VMP1: variants seen among roughly 807,000 people sequenced by gnomAD.
VMP1 encodes the protein vacuole membrane protein 1.
A neutral mutation model predicts 56.0 loss-of-function variants in VMP1; 11 were observed. That is an observed-to-expected ratio of 0.20 (90% CI 0.12 to 0.32). VMP1 has a LOEUF of 0.32. Ranked by LOEUF, VMP1 falls within the 10% of genes least tolerant of loss-of-function variation. The probability of loss-of-function intolerance (pLI) is 1.00; values close to 1 mark genes in which losing one functional copy is unlikely to be tolerated. For synonymous variants in VMP1, 149 were observed against 165.0 expected (o/e 0.90, Z 0.74); for missense variants, 296 against 490.3 (o/e 0.60, Z 3.74).
At chr17:59,750,971 C>T (rs1241979147) in intron 5 of VMP1, among the ~76,000 whole-genome samples, 1 of 118,244 alleles carries the variant, frequency 8.5e-6, no homozygotes, top group Non-Finnish European at 1.6e-5. Flanking sequence ...CTAGCTCTGT[C>T]ACCCAGGCTG....
intron 7 of VMP1, among the ~76,000 whole-genome samples, chr17:59,799,085 A>G (rs1361509701): frequency 6.6e-6 from 1 of 152,136 alleles, no homozygotes; most frequent in East Asian, 1.9e-4. Flanking sequence ...GCCAAAATAA[A>G]TGTTTCTTAC....
At chr17:59,814,496 C>G (rs2038160595) in intron 9 of VMP1, among the ~76,000 whole-genome samples, 1 of 152,076 alleles carries the variant, frequency 6.6e-6, no homozygotes, top group Admixed American at 6.5e-5. Context: ...TTTTGCATTG[C>G]CTTCTTAACT....
intron 7 of VMP1, among the ~76,000 whole-genome samples, chr17:59,778,558 A>C (rs2036710537): frequency 6.6e-6 from 1 of 151,414 alleles, no homozygotes. Context: ...AAAAAAAAAG[A>C]ATAAGGCACT....
At chr17:59,797,883 A>G (rs1217897890) in intron 7 of VMP1, among the ~76,000 whole-genome samples, 2 of 152,258 alleles carry the variant, frequency 1.3e-5, no homozygotes, top group Non-Finnish European at 2.9e-5. Flanking sequence ...TCAAAAAAGT[A>G]AAATAAACTA....
intron 10 of VMP1, chr17:59,837,930 C>T (rs2039032556): frequency 6.2e-6 from 1 of 160,556 alleles, no homozygotes; most frequent in African/African-American, 2.4e-5. Context: ...AGAAGTCATT[C>T]ATTTTATTCT....
intron 1 of VMP1, among the ~76,000 whole-genome samples, chr17:59,721,381 A>G (rs1324680509): frequency 6.6e-6 from 1 of 152,206 alleles, no homozygotes; most frequent in Non-Finnish European, 1.5e-5. Context: ...TATTTTACAA[A>G]TATGCACAAA....
chr17:59,806,520 A>T (rs2037846838), intron 7 of VMP1, among the ~76,000 whole-genome samples: 1 of 152,072 alleles, frequency 6.6e-6, no homozygotes, highest in Non-Finnish European at 1.5e-5. Flanking sequence ...GTTCGAGACC[A>T]GCCTGACAAT....
intron 7 of VMP1, among the ~76,000 whole-genome samples, chr17:59,799,481 T>A (rs183828553): frequency 2.6e-5 from 4 of 152,344 alleles, no homozygotes; most frequent in Non-Finnish European, 5.9e-5. Flanking sequence ...GTTTGCATTT[T>A]GTTATCCAAC....
At chr17:59,710,514 A>G (rs2033875315) in intron 1 of VMP1, among the ~76,000 whole-genome samples, 1 of 152,234 alleles carries the variant, frequency 6.6e-6, no homozygotes, top group Non-Finnish European at 1.5e-5. Context: ...ACACGTAAAT[A>G]CACACATACG....
At chr17:59,763,245 G>GT (rs1344352195) in intron 5 of VMP1, among the ~76,000 whole-genome samples, 3 of 151,754 alleles carry the variant, frequency 2.0e-5, no homozygotes, top group East Asian at 1.9e-4. Flanking sequence ...AAACTTTGGG[G>GT]TTTTTTTGTA....
intron 10 of VMP1, among the ~76,000 whole-genome samples, chr17:59,827,551 AG>A (rs1276240137): frequency 2.0e-5 from 3 of 150,714 alleles, no homozygotes; most frequent in Non-Finnish European, 4.4e-5. Flanking sequence ...TCCTGACCTC[AG>A]GAGGCCTCGG....
At chr17:59,765,637 A>G (rs1457350508) in intron 6 of VMP1, among the ~76,000 whole-genome samples, 2 of 152,222 alleles carry the variant, frequency 1.3e-5, no homozygotes, top group African/African-American at 4.8e-5. Flanking sequence ...TTATTAATTA[A>G]GTGGAAACGG....
chr17:59,770,822 C>T (rs2036397668), intron 6 of VMP1, among the ~76,000 whole-genome samples: 2 of 151,978 alleles, frequency 1.3e-5, no homozygotes, highest in South Asian at 4.1e-4. Context: ...CCTAGTGATC[C>T]TCCTGCCTCA....
intron 10 of VMP1, among the ~76,000 whole-genome samples, chr17:59,826,410 A>G (rs981917105): frequency 6.6e-6 from 1 of 152,214 alleles, no homozygotes; most frequent in Non-Finnish European, 1.5e-5. Flanking sequence ...ATTGTGGGCT[A>G]GAGGAAAGGT....
At position 59,840,996 on chromosome 17, in the gene VMP1, A is replaced by T. The variant is rs1364955496; in HGVS notation, c.*1085A>T. 5.5e-6 allele frequency: 1 copy of T among 180,628 alleles called. No individual in the cohort carries two copies. The highest frequency in any genetic ancestry group is 5.7e-5 in the Admixed American group (1 of 17,422). The allele number at this position is 180,628 out of a possible 1,614,324, so 11.2% of individuals were successfully genotyped here. A position where few individuals can be genotyped will look rare whatever the true frequency, so the allele number is the denominator to read the frequency against. On this transcript the variant is annotated 3_prime_UTR_variant, in exon 12 of 12. Coordinates refer to ENST00000262291, the MANE Select transcript of VMP1 (RefSeq NM_030938.5). ...TTTCTTGCCGTTCTGTAAGTGTTTT[A>T]TTCTTAGTGTGATTTTTTTCCATTG... is the stretch of plus-strand genomic sequence containing the variant.
chr17:59,713,295 A>G (rs908191994), intron 1 of VMP1, among the ~76,000 whole-genome samples: 1 of 152,064 alleles, frequency 6.6e-6, no homozygotes, highest in African/African-American at 2.4e-5. Flanking sequence ...AGATATACCT[A>G]ATGTAAATGA....
intron 7 of VMP1, among the ~76,000 whole-genome samples, chr17:59,774,690 A>T (rs2036554811): frequency 1.3e-5 from 2 of 151,800 alleles, no homozygotes; most frequent in South Asian, 4.1e-4. Flanking sequence ...TTGTTTTGTT[A>T]GTTTGTTTTT....
At position 59,781,902 on chromosome 17, in the gene VMP1, A is replaced by G. The variant is rs181502724; in HGVS notation, c.714+8017A>G. ...AGTTTTTCCATGTCATTTACTGGGT[A>G]TGTTTTGTTACATGTTACTTTTTTT... On this transcript the variant is annotated intron_variant, in intron 7 of 11. Coordinates refer to ENST00000262291, the MANE Select transcript of VMP1 (RefSeq NM_030938.5). Among the ~76,000 whole-genome samples, 7 of 151,986 alleles carry G rather than the reference A, an allele frequency of 4.6e-5. No homozygotes were observed. The East Asian group carries it at 9.7e-4, about 21-fold the overall frequency.
chr17:59,812,453 A>G (rs2038084159), intron 9 of VMP1, among the ~76,000 whole-genome samples: 1 of 152,204 alleles, frequency 6.6e-6, no homozygotes, highest in Non-Finnish European at 1.5e-5. Context: ...GCACACATAT[A>G]TGAATAGAGA....
Sources: allele counts gnomAD v4.1 joint callset (sites outside exome capture counted in the v4.1 genomes callset), GRCh38; gene constraint gnomAD v4.1.1; transcripts MANE v1.5; gene names NCBI Gene and HGNC (gene_info 2026-07-23, HGNC 2026-07-21).